MELTF: variants seen among roughly 807,000 people sequenced by gnomAD.
MELTF encodes antigen p97 (melanoma associated) identified by monoclonal antibodies 133.2 and 96.5.
Under a neutral mutation model 83.7 loss-of-function variants are expected in MELTF, and 67 were observed. The ratio of observed to expected loss-of-function variants is 0.80; its 90% CI spans 0.66 to 0.98. The LOEUF (loss-of-function observed/expected upper bound fraction) is 0.98, where lower values mean the gene tolerates loss of function less well. MELTF is among the 50% of genes least tolerant of loss of function. The pLI is 0.00. For missense variants in MELTF, 1,002 were observed against 1,035.6 expected (o/e 0.97, Z 0.44); for synonymous variants, 462 against 447.6 (o/e 1.03, Z -0.41).
intron 7 of MELTF, 127 bp downstream of exon 7, chr3:197,016,976 C>A: frequency 9.2e-7 from 1 of 1,089,342 alleles, no homozygotes; most frequent in Non-Finnish European, 1.3e-6. Context: ...TGACCTGGCC[C>A]GATGCTGGGG....
rs1010994786 is a variant in MELTF at position 197,029,239 on chromosome 3, G to A, written c.49+415C>T. Reference sequence around the variant, plus strand: ...GCCAGAAACCCCCGGGCGGACTCCCGCGCCTGCCGGTCAGTCCCTCTGAAT... The same window carrying A: ...GCCAGAAACCCCCGGGCGGACTCCCACGCCTGCCGGTCAGTCCCTCTGAAT... On this transcript the variant is annotated intron_variant, in intron 1 of 15. Transcript: ENST00000296350. The surrounding 1 kb of genome is among the most constrained non-coding windows in gnomAD (Gnocchi z 6.5). 1.2e-4 allele frequency: 19 copies of A among 161,534 alleles called. No homozygotes were observed. The highest frequency in any genetic ancestry group is 2.1e-4 in the Non-Finnish European group (16 of 74,550). 10.0% of individuals were successfully genotyped at this position (161,534 alleles called of 1,614,324 possible).
At chr3:197,018,531 C>G (rs906514786) in intron 6 of MELTF, among the ~76,000 whole-genome samples, 17 of 152,020 alleles carry the variant, frequency 1.1e-4, no homozygotes, top group African/African-American at 4.1e-4. Flanking sequence ...ACTGCAACCT[C>G]CGCCTCCCAG....
rs1481501718 is a variant in MELTF at position 197,029,207 on chromosome 3, T to G, written c.49+447A>C. The stretch of plus-strand genomic sequence containing the variant: ...CGGCCTCCGTCTCCACCTCCATCCC[T>G]GCATGTGCCAGAAACCCCCGGGCGG... On this transcript the variant is annotated intron_variant, in intron 1 of 15. Coordinates refer to ENST00000296350, the MANE Select transcript of MELTF (RefSeq NM_005929.6). This position sits in a 1 kb window ranked among gnomAD's most constrained non-coding sequence, Gnocchi z 6.5. 6.4e-6 allele frequency: 1 copy of G among 155,162 alleles called. No individual in the cohort carries two copies. Among genetic ancestry groups the G allele is most frequent in the Non-Finnish European group, 1.4e-5 (1 of 70,226 alleles). 9.6% of individuals were successfully genotyped at this position (155,162 alleles called of 1,614,324 possible).
chr3:197,023,715 C>G, intron 4 of MELTF: 1 of 409,366 alleles, frequency 2.4e-6, no homozygotes, highest in Non-Finnish European at 4.8e-6. Context: ...AGAGTAAGCC[C>G]TCTTCCTGGT....
In MELTF at chr3:197,024,470, T is replaced by G; in HGVS notation, c.320A>C (p.Tyr107Ser). The G allele has an allele frequency of 6.3e-7, 1 of 1,589,874 alleles. No individual in the cohort carries two copies. Among genetic ancestry groups the G allele is most frequent in the Non-Finnish European group, 8.6e-7 (1 of 1,163,186 alleles). Reference protein sequence around the residue: ...EVYDQEVGTSYYAVAVVRRSS... With the variant: ...EVYDQEVGTSSYAVAVVRRSS... ...CCTCCTGACCACAGCCACGGCGTAATAGGAGGTACCGACCTCTAGGAGGGG... is the reference window on the plus strand; with the variant it reads ...CCTCCTGACCACAGCCACGGCGTAAGAGGAGGTACCGACCTCTAGGAGGGG... The change falls in exon 4 of 16, where the codon TAT (tyrosine) becomes TCT (serine). Residue 107 changes from tyrosine (Y) to serine (S), a missense_variant. Tyr to Ser is a moderately radical substitution (Grantham distance 144, BLOSUM62 -2). Coordinates refer to ENST00000296350, the MANE Select transcript of MELTF (RefSeq NM_005929.6). The surrounding 1 kb of genome is among the most constrained non-coding windows in gnomAD (Gnocchi z 5.3).
chr3:197,004,522 G>C, intron 14 of MELTF: 1 of 219,010 alleles, frequency 4.6e-6, no homozygotes, highest in Non-Finnish European at 9.2e-6. Context: ...AAACAATTTC[G>C]AGAGGGACTT....
chr3:197,025,033 C>T (rs1719796626), intron 3 of MELTF, among the ~76,000 whole-genome samples: 1 of 152,180 alleles, frequency 6.6e-6, no homozygotes, highest in African/African-American at 2.4e-5. Flanking sequence ...GATGTGGCCC[C>T]AAGTCGCTCA....
intron 9 of MELTF, among the ~76,000 whole-genome samples, chr3:197,013,491 A>G (rs1719256161): frequency 6.6e-6 from 1 of 152,384 alleles, no homozygotes; most frequent in Middle Eastern, 3.4e-3. Flanking sequence ...CCTCGAAAGC[A>G]TAGGCAACAA....
At chr3:197,004,400 G>A in intron 14 of MELTF, 1 of 449,874 alleles carries the variant, frequency 2.2e-6, no homozygotes, top group East Asian at 4.5e-5. Flanking sequence ...ACCCAGAAAT[G>A]AGGGATGGTG....
rs781729741 is a variant in MELTF at position 197,008,749 on chromosome 3, C to A, written c.1683-25G>T. 2 of 1,613,858 alleles carry A rather than the reference C, an allele frequency of 1.2e-6. No individual in the cohort carries two copies. The highest frequency in any genetic ancestry group is 1.7e-5 in the Admixed American group (1 of 60,004). The stretch of plus-strand genomic sequence containing the variant: ...CCTGCCACACAGAGGGCAGGGCAGG[C>A]GTCGGCAGGAGGGTCCCAGCCTCTG... On this transcript the variant is annotated intron_variant, in intron 12 of 15. Transcript: ENST00000296350. This position sits in a 1 kb window ranked among gnomAD's most constrained non-coding sequence, Gnocchi z 5.4.
At position 197,015,546 on chromosome 3, in the gene MELTF, C is replaced by T. The variant is rs199842909; in HGVS notation, c.1082-30G>A. On this transcript the variant is annotated intron_variant, in intron 8 of 15. Coordinates refer to ENST00000296350, the MANE Select transcript of MELTF (RefSeq NM_005929.6). ...GGTGGGGCAAGCAAGCGGTCACTGC[C>T]AGGCCAGTACTGCCATGGAAGAGCA... The T allele has an allele frequency of 8.3e-3, 13,231 of 1,592,346 alleles. 76 individuals are homozygous for T. Among genetic ancestry groups the T allele is most frequent in the Non-Finnish European group, 0.01 (11,956 of 1,166,416 alleles).
rs1178079403 is a variant in MELTF at position 197,024,212 on chromosome 3, CGGAG to C, written c.487+87_487+90del. On this transcript the variant is annotated intron_variant, in intron 4 of 15. Transcript: ENST00000296350. The surrounding 1 kb of genome is among the most constrained non-coding windows in gnomAD (Gnocchi z 5.3). ...CAGGAATGAAGAATGGTGGCGAGGC[CGGAG>C]GGAGGCTACCCAGTGAAGGGACGAG... 7.3e-7 allele frequency: 1 copy of C among 1,370,266 alleles called. No individual in the cohort carries two copies. Among genetic ancestry groups the C allele is most frequent in the Non-Finnish European group, 9.9e-7 (1 of 1,007,034 alleles). 84.9% of individuals were successfully genotyped at this position (1,370,266 alleles called of 1,614,324 possible). A position where few individuals can be genotyped will look rare whatever the true frequency, so the allele number is the denominator to read the frequency against.
intron 6 of MELTF, 121 bp downstream of exon 6, chr3:197,021,281 CAG>C: frequency 2.4e-6 from 2 of 848,706 alleles, no homozygotes; most frequent in Non-Finnish European, 3.7e-6. Context: ...CAAGGTCACC[CAG>C]AGACTCAGAG....
At position 197,008,626 on chromosome 3, in the gene MELTF, TA is replaced by T; in HGVS notation, c.1750+30del. ...AAGATGGGGAACAGTCCCCCCGACCTACCTTTGGCCCTGCTCTTGCCCCCAC... is the reference window on the plus strand; with the variant it reads ...AAGATGGGGAACAGTCCCCCCGACCTCCTTTGGCCCTGCTCTTGCCCCCAC... On this transcript the variant is annotated intron_variant, in intron 13 of 15. Coordinates refer to ENST00000296350, the MANE Select transcript of MELTF (RefSeq NM_005929.6). The surrounding 1 kb of genome is among the most constrained non-coding windows in gnomAD (Gnocchi z 5.4). The T allele has an allele frequency of 1.2e-6, 2 of 1,605,636 alleles. No homozygotes were observed. Among genetic ancestry groups the T allele is most frequent in the Non-Finnish European group, 1.7e-6 (2 of 1,174,786 alleles).
chr3:197,003,511 G>A lies in MELTF; in HGVS notation c.2138-60C>T, dbSNP rs1718842742. The A allele has an allele frequency of 1.0e-5, 7 of 679,898 alleles. No homozygotes were observed. The highest frequency in any genetic ancestry group is 1.2e-4 in the Admixed American group (1 of 8,668). The allele number at this position is 679,898 out of a possible 1,614,324, so 42.1% of individuals were successfully genotyped here. A position where few individuals can be genotyped will look rare whatever the true frequency, so the allele number is the denominator to read the frequency against. On this transcript the variant is annotated intron_variant, in intron 15 of 15. Coordinates refer to ENST00000296350, the MANE Select transcript of MELTF (RefSeq NM_005929.6). This position sits in a 1 kb window ranked among gnomAD's most constrained non-coding sequence, Gnocchi z 6.2. Reference sequence around the variant, plus strand: ...CCGGGCCGCGGTGGCCGCCTCAGGCGCCCGCTCTGGGGTGGGGGTGGGGGC... The same window carrying A: ...CCGGGCCGCGGTGGCCGCCTCAGGCACCCGCTCTGGGGTGGGGGTGGGGGC...
chr3:197,019,356 A>C, intron 6 of MELTF: 2 of 1,194,138 alleles, frequency 1.7e-6, no homozygotes, highest in Non-Finnish European at 2.1e-6. Context: ...TGCTTTAGAC[A>C]TTTATGCCAC....
Position 197,003,248 on chromosome 3 carries a change from G to A in MELTF, c.*124C>T. The A allele has an allele frequency of 1.0e-6, 1 of 1,000,144 alleles. No homozygotes were observed. The highest frequency in any genetic ancestry group is 1.2e-6 in the Non-Finnish European group (1 of 836,024). The allele number at this position is 1,000,144 out of a possible 1,614,324, so 62.0% of individuals were successfully genotyped here. On this transcript the variant is annotated 3_prime_UTR_variant, in exon 16 of 16. Coordinates refer to ENST00000296350, the MANE Select transcript of MELTF (RefSeq NM_005929.6). This position sits in a 1 kb window ranked among gnomAD's most constrained non-coding sequence, Gnocchi z 6.2. ...GCGCCCGTGGGCGGCGGGGCTCCCG[G>A]GGAGGCGCCTGCTCCCGCCCACGCC...
Position 197,024,575 on chromosome 3 carries a change from G to C in MELTF, c.305-90C>G. 8.4e-7 allele frequency: 1 copy of C among 1,193,810 alleles called. No individual in the cohort carries two copies. The highest frequency in any genetic ancestry group is 1.2e-6 in the Non-Finnish European group (1 of 848,690). 74.0% of individuals were successfully genotyped at this position (1,193,810 alleles called of 1,614,324 possible). ...CCTGCCTGGGCGGGCTGTGGGAGAGGTGTGTGCACGGAGCACGGCTGTACA... is the reference window on the plus strand; with the variant it reads ...CCTGCCTGGGCGGGCTGTGGGAGAGCTGTGTGCACGGAGCACGGCTGTACA... On this transcript the variant is annotated intron_variant, in intron 3 of 15. Coordinates refer to ENST00000296350, the MANE Select transcript of MELTF (RefSeq NM_005929.6). This position sits in a 1 kb window ranked among gnomAD's most constrained non-coding sequence, Gnocchi z 5.3.
chr3:197,013,038 A>G (rs980378763), intron 9 of MELTF, among the ~76,000 whole-genome samples: 4 of 152,252 alleles, frequency 2.6e-5, no homozygotes, highest in Non-Finnish European at 5.9e-5. Context: ...GAACTTCCCT[A>G]TGAAAATTCC....
Sources: allele counts gnomAD v4.1 joint callset (sites outside exome capture counted in the v4.1 genomes callset), GRCh38; gene constraint gnomAD v4.1.1; non-coding constraint Gnocchi (gnomAD v3.1); transcripts MANE v1.5; gene names NCBI Gene and HGNC (gene_info 2026-07-23, HGNC 2026-07-21).